Variants in DGKD observed in about 807,000 individuals in gnomAD.
The protein encoded by DGKD is DAG kinase delta.
In DGKD, 68 loss-of-function variants were observed where a neutral mutation model predicts 154.4. The observed-to-expected ratio is 0.44, with a 90% CI of 0.36 to 0.54. DGKD has a LOEUF of 0.54. DGKD is among the 20% of genes least tolerant of loss of function. The pLI is 0.00. For missense variants in DGKD, 1,343 were observed against 1,593.6 expected (o/e 0.84, Z 2.68); for synonymous variants, 693 against 638.0 (o/e 1.09, Z -1.30).
intron 3 of DGKD, among the ~76,000 whole-genome samples, chr2:233,431,602 G>T (rs1291200613): frequency 6.6e-6 from 1 of 152,154 alleles, no homozygotes; most frequent in East Asian, 1.9e-4. Context: ...AACCCAAACG[G>T]CGTGGTACTG....
chr2:233,424,767 C>T (rs2062235583), intron 3 of DGKD, among the ~76,000 whole-genome samples: 1 of 152,230 alleles, frequency 6.6e-6, no homozygotes, highest in Admixed American at 6.5e-5. Context: ...TGTGGAGAAG[C>T]TGAATGGAGC....
intron 3 of DGKD, among the ~76,000 whole-genome samples, chr2:233,409,213 G>C (rs1315314060): frequency 6.6e-6 from 1 of 152,190 alleles, no homozygotes; most frequent in South Asian, 2.1e-4. Context: ...AAAAGTATTT[G>C]TGTTGTTAAC....
intron 1 of DGKD, among the ~76,000 whole-genome samples, chr2:233,362,953 G>A (rs1195250389): frequency 1.3e-5 from 2 of 152,162 alleles, no homozygotes; most frequent in Non-Finnish European, 2.9e-5. Flanking sequence ...CAGACCTACT[G>A]CACTGCAAGT....
intron 3 of DGKD, among the ~76,000 whole-genome samples, chr2:233,402,883 G>T (rs1481760300): frequency 6.6e-6 from 1 of 152,226 alleles, no homozygotes; most frequent in East Asian, 1.9e-4. Context: ...GCCTGAGGGT[G>T]TACGGGGTAG....
intron 28 of DGKD, 80 bp from the exon 29 acceptor site, chr2:233,468,343 G>A (rs754054701): frequency 2.1e-5 from 33 of 1,562,610 alleles, no homozygotes; most frequent in Middle Eastern, 1.7e-4. Flanking sequence ...CTGGGCTCTC[G>A]GGTGCTGGGT....
chr2:233,416,951 C>T (rs1258156286), intron 3 of DGKD, among the ~76,000 whole-genome samples: 1 of 152,240 alleles, frequency 6.6e-6, no homozygotes, highest in African/African-American at 2.4e-5. Context: ...TCTTACTTCT[C>T]CCACCTTCCT....
chr2:233,406,732 G>C (rs2061695161), intron 3 of DGKD, among the ~76,000 whole-genome samples: 1 of 152,108 alleles, frequency 6.6e-6, no homozygotes, highest in South Asian at 2.1e-4. Flanking sequence ...CTGCCAGAAG[G>C]GGTCCATGGC....
At chr2:233,439,599 G>A (rs1247271191) in intron 9 of DGKD, among the ~76,000 whole-genome samples, 4 of 152,232 alleles carry the variant, frequency 2.6e-5, no homozygotes, top group African/African-American at 7.2e-5. Context: ...GTCTTGCTAG[G>A]TTACCCAGGC....
In DGKD at chr2:233,363,511, T is replaced by C. The variant is rs558493938; in HGVS notation, c.156+8837T>C. 4.6e-5 allele frequency among the ~76,000 whole-genome samples: 7 copies of C among 152,292 alleles called. No homozygotes were observed. In the East Asian group the frequency reaches 1.2e-3, roughly 25 times the overall value. ...ACAGTAAGCTAAGGTTAATTTGTTA[T>C]TGAAGAAAGAAAGTCTTTCAAAAAA... On this transcript the variant is annotated intron_variant, in intron 1 of 29. Transcript: ENST00000264057.
At chr2:233,378,786 C>T (rs984907436) in intron 1 of DGKD, among the ~76,000 whole-genome samples, 17 of 152,148 alleles carry the variant, frequency 1.1e-4, no homozygotes, top group African/African-American at 3.9e-4. Context: ...GTAAAACTTC[C>T]TGGCGAGGTG....
chr2:233,355,009 C>G (rs532337881), intron 1 of DGKD, among the ~76,000 whole-genome samples: 57 of 151,786 alleles, frequency 3.8e-4, no homozygotes, highest in African/African-American at 1.3e-3. Context: ...GGGGACTGCG[C>G]TCGTGCCACC....
rs116150045 is a variant in DGKD at position 233,360,521 on chromosome 2, G to T, written c.156+5847G>T. 4.9e-3 allele frequency among the ~76,000 whole-genome samples: 752 copies of T among 152,020 alleles called. 9 individuals carry two copies. The highest frequency in any genetic ancestry group is 0.017 in the African/African-American group (709 of 41,456). On this transcript the variant is annotated intron_variant, in intron 1 of 29. Coordinates refer to ENST00000264057, the MANE Select transcript of DGKD (RefSeq NM_152879.3). ...GATCCTCCCCCTTTGGCTTCCCAAA[G>T]TGCTAGAATTACAGACATGAGCTAC...
At chr2:233,391,422 G>T (rs910798405) in intron 3 of DGKD, among the ~76,000 whole-genome samples, 1 of 151,850 alleles carries the variant, frequency 6.6e-6, no homozygotes, top group African/African-American at 2.4e-5. Flanking sequence ...CCCCCCCCAG[G>T]ACAATTTATA....
chr2:233,463,960 A>T, intron 26 of DGKD: 1 of 611,050 alleles, frequency 1.6e-6, no homozygotes, highest in Admixed American at 3.0e-5. Flanking sequence ...ACTGATGGAC[A>T]GTTTTATTCT....
rs182525853 is a variant in DGKD, at chr2:233,443,905, T to C, written c.1195-1718T>C. On this transcript the variant is annotated intron_variant, in intron 10 of 29. Transcript: ENST00000264057. ...TGACACCTGATGTGGTGGCCATGCC[T>C]TCGCTGGGCCCCTGCCGCCTCGGGG... Among the ~76,000 whole-genome samples the C allele has an allele frequency of 1.7e-3, 261 of 152,332 alleles. 1 individual carries two copies. The highest frequency in any genetic ancestry group is 5.7e-3 in the African/African-American group (235 of 41,574).
chr2:233,401,919 CAAAAAAAAAAAAAAAA>C (rs34388122), intron 3 of DGKD, among the ~76,000 whole-genome samples: 1 of 54,808 alleles, frequency 1.8e-5, no homozygotes, highest in African/African-American at 8.9e-5. Flanking sequence ...GACTCTGTCT[CAAAAAAAAAAAAAAAA>C]AAAAAAAAAA....
intron 3 of DGKD, among the ~76,000 whole-genome samples, chr2:233,403,883 G>A (rs894140638): frequency 2.6e-5 from 4 of 151,928 alleles, no homozygotes; most frequent in Non-Finnish European, 4.4e-5. Flanking sequence ...CTCGTGATCC[G>A]CCCACCTTGG....
chr2:233,408,565 A>T (rs1403681336), intron 3 of DGKD, among the ~76,000 whole-genome samples: 1 of 152,126 alleles, frequency 6.6e-6, no homozygotes, highest in Non-Finnish European at 1.5e-5. Context: ...GCTCAAGTGC[A>T]GTGTTCCAGG....
chr2:233,422,209 C>T (rs561895076), intron 3 of DGKD, among the ~76,000 whole-genome samples: 1 of 152,378 alleles, frequency 6.6e-6, no homozygotes, highest in Admixed American at 6.5e-5. Flanking sequence ...AGGAAGTGCA[C>T]TACTGTTTGA....
Sources: gnomAD v4.1 joint callset for allele counts (sites outside exome capture counted in the v4.1 genomes callset) on GRCh38, gnomAD v4.1.1 for gene constraint, MANE v1.5 for transcripts, NCBI Gene and HGNC (gene_info 2026-07-23, HGNC 2026-07-21) for gene names.